The following ANKHD1 variants were observed in gnomAD, a reference collection of about 807,000 sequenced individuals.
The protein encoded by ANKHD1 is ankyrin repeat and KH domain containing 1, also known as ankyrin repeat and KH domain-containing protein 1.
Under a neutral mutation model 230.5 loss-of-function variants are expected in ANKHD1, and 31 were observed. The ratio of observed to expected loss-of-function variants is 0.13; its 90% confidence interval spans 0.10 to 0.18. The LOEUF (loss-of-function observed/expected upper bound fraction) is 0.18. ANKHD1 is among the 10% of genes least tolerant of loss of function. The probability of loss-of-function intolerance (pLI) is 1.00; values close to 1 mark genes in which losing one functional copy is unlikely to be tolerated. For missense variants in ANKHD1, 2,256 were observed against 3,071.3 expected, an observed-to-expected ratio of 0.73 and a Z score of 6.27; for synonymous variants, 1,074 against 1,117.6, an observed-to-expected ratio of 0.96 and a Z score of 0.78.
At chr5:140,498,610 G>A (rs545430104) in intron 15 of ANKHD1, among the ~76,000 whole-genome samples, 1 of 152,122 alleles carries the variant, frequency 6.6e-6, no homozygotes, top group Non-Finnish European at 1.5e-5. Flanking sequence ...TGTATTATTA[G>A]CATTGAAAGT....
intron 1 of ANKHD1, among the ~76,000 whole-genome samples, chr5:140,432,488 T>C (rs186451716): frequency 2.0e-4 from 30 of 152,354 alleles, no homozygotes; most frequent in Non-Finnish European, 4.0e-4. Flanking sequence ...GACATTTGGG[T>C]TGTTTCTACT....
chr5:140,419,319 T>A (rs372515736), intron 1 of ANKHD1, among the ~76,000 whole-genome samples: 2 of 149,848 alleles, frequency 1.3e-5, no homozygotes, highest in Admixed American at 6.7e-5. Context: ...GTTTTTTTTA[T>A]AGCTATGTGT....
At chr5:140,432,676 A>G (rs964801207) in intron 1 of ANKHD1, among the ~76,000 whole-genome samples, 2 of 152,124 alleles carry the variant, frequency 1.3e-5, no homozygotes, top group Non-Finnish European at 2.9e-5. Context: ...CTACACCACT[A>G]TGTTTCCACC....
chr5:140,441,748 A>C (rs1413393696), intron 5 of ANKHD1, among the ~76,000 whole-genome samples: 1 of 152,160 alleles, frequency 6.6e-6, no homozygotes, highest in Non-Finnish European at 1.5e-5. Flanking sequence ...TTTTTTGCTA[A>C]ATGAGTAGAT....
intron 1 of ANKHD1, among the ~76,000 whole-genome samples, chr5:140,430,032 C>CA (rs972023274): frequency 2.6e-5 from 4 of 152,124 alleles, no homozygotes; most frequent in African/African-American, 7.2e-5. Flanking sequence ...AAAAATGGGA[C>CA]AAAATGCTTG....
intron 9 of ANKHD1, among the ~76,000 whole-genome samples, chr5:140,464,280 A>G (rs1204308275): frequency 6.6e-6 from 1 of 152,126 alleles, no homozygotes; most frequent in Non-Finnish European, 1.5e-5. Context: ...ACCATGCCCA[A>G]AATTTCTGTT....
intron 10 of ANKHD1, among the ~76,000 whole-genome samples, chr5:140,466,432 G>C (rs1004825910): frequency 6.6e-6 from 1 of 151,582 alleles, no homozygotes; most frequent in Non-Finnish European, 1.5e-5. Context: ...GGATAAAAGA[G>C]GAGCTATCTG....
intron 1 of ANKHD1, among the ~76,000 whole-genome samples, chr5:140,417,192 A>T (rs1425812400): frequency 2.6e-5 from 4 of 151,856 alleles, no homozygotes; most frequent in Admixed American, 6.6e-5. Flanking sequence ...TGATCAGGAT[A>T]TGTCGTATAT....
In ANKHD1 at chr5:140,535,498, A is replaced by G. The variant is rs1334427712; in HGVS notation, c.6987A>G (p.Gln2329=). The change falls in exon 30 of 34, where the codon CAA becomes CAG. Residue 2329 remains glutamine (Q), a synonymous_variant. Coordinates refer to ENST00000360839, the MANE Select transcript of ANKHD1 (RefSeq NM_017747.3). ...TTGGGACTCCTAGTTTCAACAGACA[A>G]CATTTTTCTCCCCATCCTTGGACAA... ...APVGTPSFNR[Q]HFSPHPWTSA... is the part of the protein sequence containing the mutation. The G allele has an allele frequency of 6.2e-7, 1 of 1,612,326 alleles. No homozygotes were observed. Among genetic ancestry groups the G allele is most frequent in the South Asian group, 1.1e-5 (1 of 90,720 alleles).
At chr5:140,447,465 C>G (rs1273537353) in intron 6 of ANKHD1, among the ~76,000 whole-genome samples, 1 of 152,154 alleles carries the variant, frequency 6.6e-6, no homozygotes, top group Non-Finnish European at 1.5e-5. Flanking sequence ...ACTTCAGACT[C>G]CCAAAGTGTT....
intron 1 of ANKHD1, among the ~76,000 whole-genome samples, chr5:140,405,199 G>A (rs149972312): frequency 6.6e-6 from 1 of 152,216 alleles, no homozygotes; most frequent in African/African-American, 2.4e-5. Context: ...GTGCCTAAAA[G>A]GATTTACAGG....
At position 140,538,134 on chromosome 5, in the gene ANKHD1, A is replaced by C; in HGVS notation, c.7277A>C (p.His2426Pro). 5 of 1,614,138 alleles carry C rather than the reference A, an allele frequency of 3.1e-6. No individual in the cohort carries two copies. Among genetic ancestry groups the C allele is most frequent in the Middle Eastern group, 1.6e-4 (1 of 6,062 alleles). Residue 2426 changes from histidine to proline, a missense_variant, in exon 32 of 34, where the codon CAT becomes CCT. By Grantham distance (77) the His-to-Pro change is moderately conservative. Transcript: ENST00000360839. ...SQSVMGNHPM[H>P]QQLSDPSTFS... The stretch of plus-strand genomic sequence containing the variant: ...TCTGTGATGGGGAACCATCCAATGC[A>C]TCAACAATTATCAGACCCAAGCACA...
chr5:140,475,991 T>G (rs1242259232), intron 10 of ANKHD1, among the ~76,000 whole-genome samples: 2 of 152,208 alleles, frequency 1.3e-5, no homozygotes, highest in Non-Finnish European at 2.9e-5. Flanking sequence ...TATTTTAAAC[T>G]ATGACCAGTA....
chr5:140,478,220 A>G (rs1751071979), intron 10 of ANKHD1, among the ~76,000 whole-genome samples: 1 of 152,146 alleles, frequency 6.6e-6, no homozygotes, highest in Non-Finnish European at 1.5e-5. Flanking sequence ...GAAAAAATAT[A>G]AAAGCAAAAG....
At chr5:140,489,572 T>C (rs1019953374) in intron 14 of ANKHD1, among the ~76,000 whole-genome samples, 19 of 152,178 alleles carry the variant, frequency 1.2e-4, no homozygotes, top group African/African-American at 4.6e-4. Flanking sequence ...AATAAAAACA[T>C]TTTAAATTTA....
chr5:140,418,591 C>A (rs530843877), intron 1 of ANKHD1, among the ~76,000 whole-genome samples: 1 of 152,290 alleles, frequency 6.6e-6, no homozygotes, highest in East Asian at 1.9e-4. Flanking sequence ...AATCACTAAT[C>A]CACTTTCTGT....
At chr5:140,420,398 C>T (rs1228517374) in intron 1 of ANKHD1, among the ~76,000 whole-genome samples, 4 of 152,098 alleles carry the variant, frequency 2.6e-5, no homozygotes, top group Non-Finnish European at 5.9e-5. Context: ...GAAACCATTG[C>T]GTAATCCAAG....
chr5:140,422,754 G>C (rs1772094910), intron 1 of ANKHD1, among the ~76,000 whole-genome samples: 1 of 151,094 alleles, frequency 6.6e-6, no homozygotes, highest in South Asian at 2.1e-4. Context: ...AGGTTGCAGT[G>C]AGCCAAGATT....
At chr5:140,459,489 G>A (rs553030496) in intron 9 of ANKHD1, 134 bp downstream of exon 9, 7 of 1,156,204 alleles carry the variant, frequency 6.1e-6, no homozygotes, top group African/African-American at 4.7e-5. Context: ...GAGGGTGGGA[G>A]GAGAGTACAC....
Sources: gnomAD v4.1 joint callset for allele counts (sites outside exome capture counted in the v4.1 genomes callset) on GRCh38, gnomAD v4.1.1 for gene constraint, MANE v1.5 for transcripts, NCBI Gene and HGNC (gene_info 2026-07-23, HGNC 2026-07-21) for gene names.